The following SUSD3 variants were observed in gnomAD, a reference collection of about 807,000 sequenced individuals.
The protein encoded by SUSD3 is sushi domain-containing protein 3.
SUSD3 carries 18 observed loss-of-function variants against 20.6 expected under a neutral mutation model. The ratio of observed to expected loss-of-function variants is 0.87; its 90% CI spans 0.60 to 1.30. The LOEUF (loss-of-function observed/expected upper bound fraction) is 1.30, where lower values mean the gene tolerates loss of function less well. SUSD3 is among the 50% of genes most tolerant of loss of function. The pLI is 0.00. For missense variants in SUSD3, 306 were observed against 346.9 expected (o/e 0.88, Z 0.94); for synonymous variants, 137 against 141.5 (o/e 0.97, Z 0.23).
At chr9:93,083,001 C>T (rs372198949) in intron 4 of SUSD3, among the ~76,000 whole-genome samples, 9 of 152,188 alleles carry the variant, frequency 5.9e-5, no homozygotes, top group East Asian at 5.8e-4. Flanking sequence ...AGTGTGTGGT[C>T]GGACGTGTGC....
intron 1 of SUSD3, among the ~76,000 whole-genome samples, chr9:93,073,189 G>A (rs1281706865): frequency 3.9e-5 from 6 of 152,052 alleles, no homozygotes; most frequent in East Asian, 1.9e-4. Context: ...TGCTGCCTCC[G>A]GTCAGTCTCT....
chr9:93,075,753 CGCCATGCCTCATA>C lies in SUSD3; in HGVS notation c.89-30_89-18del. 2.1e-5 allele frequency: 7 copies of C among 334,084 alleles called. No homozygotes were observed. The highest frequency in any genetic ancestry group is 4.4e-5 in the Admixed American group (1 of 22,626). The allele number at this position is 334,084 out of a possible 1,614,324, so 20.7% of individuals were successfully genotyped here. A position where few individuals can be genotyped will look rare whatever the true frequency, so the allele number is the denominator to read the frequency against. ...CCCTGCGTGCCCACCCCCCCCCCCC[CGCCATGCCTCATA>C]CCTGCCTGTCTCCCCAGGCACGTGC... is the stretch of plus-strand genomic sequence containing the variant. On this transcript the variant is annotated intron_variant, in intron 1 of 4. Transcript: ENST00000375472.
Position 93,058,793 on chromosome 9 carries a change from G to A in SUSD3, c.51G>A (p.Arg17=). The change falls in exon 1 of 5, where the codon CGG becomes CGA. Residue 17 remains arginine, a synonymous_variant. Transcript: ENST00000375472. ...GTGGCAAGGCGAGGCCCCGGGGGCG[G>A]GCCGGGGTCACCACGCCTGCCCCAG... ...TLRGKARPRG[R]AGVTTPAPGN... 1 of 1,246,414 alleles carries A rather than the reference G, an allele frequency of 8.0e-7. No individual in the cohort carries two copies. The highest frequency in any genetic ancestry group is 1.0e-6 in the Non-Finnish European group (1 of 995,262). The allele number at this position is 1,246,414 out of a possible 1,614,324, so 77.2% of individuals were successfully genotyped here.
chr9:93,070,727 C>T (rs991054303), intron 1 of SUSD3, among the ~76,000 whole-genome samples: 3 of 152,198 alleles, frequency 2.0e-5, no homozygotes, highest in Admixed American at 1.3e-4. Context: ...ACTTTGAGGC[C>T]GGGGCAGGCT....
At chr9:93,082,248 T>G (rs920001929) in intron 4 of SUSD3, among the ~76,000 whole-genome samples, 2 of 151,906 alleles carry the variant, frequency 1.3e-5, no homozygotes, top group Non-Finnish European at 2.9e-5. Context: ...AATGTTTTGC[T>G]CCATGTGTTG....
At chr9:93,062,928 C>T (rs1450691288) in intron 1 of SUSD3, among the ~76,000 whole-genome samples, 1 of 152,122 alleles carries the variant, frequency 6.6e-6, no homozygotes, top group Non-Finnish European at 1.5e-5. Flanking sequence ...GCTGTGAATC[C>T]TACGGAATCC....
chr9:93,065,859 C>G (rs536034616), intron 1 of SUSD3, among the ~76,000 whole-genome samples: 1 of 152,230 alleles, frequency 6.6e-6, no homozygotes, highest in Non-Finnish European at 1.5e-5. Flanking sequence ...TGGTAGTTGA[C>G]GGAGAGCCCA....
chr9:93,078,886 A>G (rs1453726542), intron 3 of SUSD3, among the ~76,000 whole-genome samples: 1 of 150,048 alleles, frequency 6.7e-6, no homozygotes, highest in South Asian at 2.1e-4. Context: ...TGCAAGCTCC[A>G]CCTCCTGGGA....
Position 93,058,723 on chromosome 9 carries a change from AGCGCCTCGGAGC to A in SUSD3, c.-15_-4del. ...CTCACTCCCCTGGCAGACCCCGCCA[AGCGCCTCGGAGC>A]GCGCAGGATGCGCTGGGCGGCCGCC... On this transcript the variant is annotated 5_prime_UTR_variant, in exon 1 of 5. Coordinates refer to ENST00000375472, the MANE Select transcript of SUSD3 (RefSeq NM_145006.4). 2.4e-6 allele frequency: 3 copies of A among 1,228,392 alleles called. No homozygotes were observed. The highest frequency in any genetic ancestry group is 3.0e-6 in the Non-Finnish European group (3 of 984,078). 76.1% of individuals were successfully genotyped at this position (1,228,392 alleles called of 1,614,324 possible). A position where few individuals can be genotyped will look rare whatever the true frequency, so the allele number is the denominator to read the frequency against.
chr9:93,068,090 T>A (rs1029794625), intron 1 of SUSD3, among the ~76,000 whole-genome samples: 5 of 152,268 alleles, frequency 3.3e-5, no homozygotes, highest in African/African-American at 9.6e-5. Context: ...AATAATTCTT[T>A]ATATGTTCTA....
Position 93,062,718 on chromosome 9 carries a change from GGTCCCCTGGGA to G in SUSD3, c.88+3893_88+3903del, listed in dbSNP as rs528399222. Reference sequence around the variant, plus strand: ...AGGAGGTCAGTGAGGGGTGGCCCTGGGTCCCCTGGGAGTCCGGGAGTCTCTGTGTGAGCAGG... The same window carrying G: ...AGGAGGTCAGTGAGGGGTGGCCCTGGGTCCGGGAGTCTCTGTGTGAGCAGG... On this transcript the variant is annotated intron_variant, in intron 1 of 4. Coordinates refer to ENST00000375472, the MANE Select transcript of SUSD3 (RefSeq NM_145006.4). Among the ~76,000 whole-genome samples, 117 of 152,212 alleles carry G rather than the reference GGTCCCCTGGGA, an allele frequency of 7.7e-4. 1 individual carries two copies. The highest frequency in any genetic ancestry group is 2.5e-3 in the African/African-American group (103 of 41,530).
At chr9:93,062,048 C>T (rs550599782) in intron 1 of SUSD3, among the ~76,000 whole-genome samples, 2 of 152,252 alleles carry the variant, frequency 1.3e-5, no homozygotes, top group Non-Finnish European at 2.9e-5. Context: ...TTAACAAGTA[C>T]GGATTGTTCT....
At chr9:93,079,158 A>G (rs974797451) in intron 3 of SUSD3, among the ~76,000 whole-genome samples, 3 of 152,198 alleles carry the variant, frequency 2.0e-5, no homozygotes, top group Non-Finnish European at 4.4e-5. Context: ...TTCACGATGT[A>G]GTGCAGCCAT....
intron 1 of SUSD3, among the ~76,000 whole-genome samples, chr9:93,072,342 C>T (rs564223858): frequency 7.9e-5 from 12 of 152,296 alleles, no homozygotes; most frequent in African/African-American, 2.6e-4. Flanking sequence ...CTCAGTCATG[C>T]AGAGGCCAGG....
Position 93,058,704 on chromosome 9 carries a change from C to G in SUSD3, c.-39C>G, listed in dbSNP as rs1173658604. 1.3e-5 allele frequency: 15 copies of G among 1,194,580 alleles called. No homozygotes were observed. Among genetic ancestry groups the G allele is most frequent in the East Asian group, 3.2e-5 (1 of 31,218 alleles). The allele number at this position is 1,194,580 out of a possible 1,614,324, so 74.0% of individuals were successfully genotyped here. On this transcript the variant is annotated 5_prime_UTR_variant, in exon 1 of 5. Coordinates refer to ENST00000375472, the MANE Select transcript of SUSD3 (RefSeq NM_145006.4). The stretch of plus-strand genomic sequence containing the variant: ...CCCGCCCCCACAAGCCGGGCTCACT[C>G]CCCTGGCAGACCCCGCCAAGCGCCT...
chr9:93,074,208 G>A (rs113214697), intron 1 of SUSD3, among the ~76,000 whole-genome samples: 123 of 152,140 alleles, frequency 8.1e-4, no homozygotes, highest in African/African-American at 2.8e-3. Context: ...ACTTTGGGAG[G>A]CCAAGGCGGC....
chr9:93,075,994 C>A (rs372839870), intron 2 of SUSD3, 22 bp downstream of exon 2: 231 of 1,561,716 alleles, frequency 1.5e-4, no homozygotes, highest in Non-Finnish European at 2.0e-4. Context: ...TCTCTCAGCT[C>A]GGTGGCTCTG....
At chr9:93,082,962 C>T (rs1262528146) in intron 4 of SUSD3, among the ~76,000 whole-genome samples, 4 of 152,208 alleles carry the variant, frequency 2.6e-5, no homozygotes, top group Admixed American at 6.5e-5. Flanking sequence ...CGCCACAGAC[C>T]CTGCCTCTTA....
intron 1 of SUSD3, among the ~76,000 whole-genome samples, chr9:93,075,411 CT>C (rs58393196): frequency 0.058 from 5,913 of 101,126 alleles, 76 homozygotes; most frequent in South Asian, 0.11. Context: ...CTCTGTCCCT[CT>C]TTTTTTTTTT....
Sources: gnomAD v4.1 joint callset for allele counts (sites outside exome capture counted in the v4.1 genomes callset) on GRCh38, gnomAD v4.1.1 for gene constraint, MANE v1.5 for transcripts, NCBI Gene and HGNC (gene_info 2026-07-23, HGNC 2026-07-21) for gene names.